Variants in RAB38 observed in about 807,000 individuals in gnomAD.
RAB38 encodes ras-related protein Rab-38.
Under a neutral mutation model 18.4 loss-of-function variants are expected in RAB38, and 15 were observed. The observed-to-expected ratio is 0.82, with a 90% confidence interval of 0.55 to 1.26. The LOEUF (loss-of-function observed/expected upper bound fraction) is 1.26, where lower values mean the gene tolerates loss of function less well. Ranked by LOEUF, RAB38 falls within the 50% of genes most tolerant of loss-of-function variation. RAB38 has a pLI of 0.00. For synonymous variants in RAB38, 101 were observed against 104.4 expected (o/e 0.97, Z 0.20); for missense variants, 294 against 267.4 (o/e 1.10, Z -0.69).
At chr11:88,106,923 C>T in the RAB38 span, among the ~76,000 whole-genome samples, 2 of 152,094 alleles carry the variant, frequency 1.3e-5, no homozygotes, top group African/African-American at 4.8e-5. Flanking sequence ...CTAGTTGGAA[C>T]ATCTGAGAGC....
At chr11:87,971,316 C>T in the RAB38 span, among the ~76,000 whole-genome samples, 1 of 152,006 alleles carries the variant, frequency 6.6e-6, no homozygotes, top group Non-Finnish European at 1.5e-5. Flanking sequence ...TGTAATGAGG[C>T]AGGAAGAACA....
At chr11:88,125,473 G>C (rs988586472) in intron 2 of RAB38, among the ~76,000 whole-genome samples, 1 of 152,146 alleles carries the variant, frequency 6.6e-6, no homozygotes, top group African/African-American at 2.4e-5. Flanking sequence ...ATGAAGTTCA[G>C]TATATCCTCT....
chr11:88,010,719 A>G, the RAB38 span, among the ~76,000 whole-genome samples: 28,083 of 152,160 alleles, frequency 0.18, 2,695 homozygotes, highest in Middle Eastern at 0.3. Context: ...ATAATCCTGC[A>G]AATACTGTTA....
chr11:88,168,105 C>T (rs1943266173), intron 1 of RAB38, among the ~76,000 whole-genome samples: 1 of 152,138 alleles, frequency 6.6e-6, no homozygotes, highest in African/African-American at 2.4e-5. Flanking sequence ...TAACACCAAA[C>T]CACTTTTACT....
intron 2 of RAB38, among the ~76,000 whole-genome samples, chr11:88,147,826 G>A (rs1943010404): frequency 6.6e-6 from 1 of 152,072 alleles, no homozygotes; most frequent in East Asian, 1.9e-4. Context: ...CCGGGGGGTG[G>A]AGCTTGCAGT....
chr11:88,097,325 C>T, the RAB38 span, among the ~76,000 whole-genome samples: 27 of 151,858 alleles, frequency 1.8e-4, no homozygotes, highest in Admixed American at 5.9e-4. Context: ...GAGCTAAGTA[C>T]AGAGGAAACA....
chr11:88,143,501 A>G lies in RAB38; in HGVS notation c.483+6174T>C, dbSNP rs551166187. On this transcript the variant is annotated intron_variant, in intron 2 of 2. Transcript: ENST00000243662. ...CTTTATTTACAATACAGGGCAGGCC[A>G]TATTTGGCCCACAGATCATAGTTTG... 7.2e-5 allele frequency among the ~76,000 whole-genome samples: 11 copies of G among 152,374 alleles called. No homozygotes were observed. In the South Asian group the frequency reaches 2.3e-3, roughly 32 times the overall value.
downstream of RAB38, chr11:88,113,226 A>G: frequency 6.6e-6 from 1 of 152,320 alleles, no homozygotes; most frequent in East Asian, 1.9e-4. Context: ...TCACAACACT[A>G]AGAAACTTAA....
the RAB38 span, among the ~76,000 whole-genome samples, chr11:87,937,478 T>C: frequency 6.6e-6 from 1 of 151,532 alleles, no homozygotes; most frequent in African/African-American, 2.4e-5. Flanking sequence ...CTGAGAAGTA[T>C]TTCATCCTCT....
chr11:87,952,775 C>A, the RAB38 span, among the ~76,000 whole-genome samples: 1 of 152,106 alleles, frequency 6.6e-6, no homozygotes, highest in Non-Finnish European at 1.5e-5. Flanking sequence ...ACTTCCAGGA[C>A]TTTTTGTCTT....
chr11:88,038,491 G>A, the RAB38 span, among the ~76,000 whole-genome samples: 7 of 152,096 alleles, frequency 4.6e-5, no homozygotes, highest in African/African-American at 9.7e-5. Context: ...TTAGATGCAT[G>A]TCTTCACTTC....
At chr11:87,900,128 ACT>A in the RAB38 span, among the ~76,000 whole-genome samples, 2 of 151,608 alleles carry the variant, frequency 1.3e-5, no homozygotes, top group African/African-American at 4.8e-5. Context: ...ACTATAAGAA[ACT>A]CTTTAAAAAA....
At chr11:88,145,783 C>T (rs1942977898) in intron 2 of RAB38, among the ~76,000 whole-genome samples, 1 of 152,000 alleles carries the variant, frequency 6.6e-6, no homozygotes, top group Non-Finnish European at 1.5e-5. Flanking sequence ...TACAGGGTGA[C>T]CATGTAAATT....
the RAB38 span, among the ~76,000 whole-genome samples, chr11:87,956,717 G>A: frequency 6.6e-6 from 1 of 152,066 alleles, no homozygotes; most frequent in Non-Finnish European, 1.5e-5. Flanking sequence ...TCTGTATAAA[G>A]CATAGTTATA....
At chr11:87,825,948 CA>C in the RAB38 span, among the ~76,000 whole-genome samples, 5 of 151,354 alleles carry the variant, frequency 3.3e-5, no homozygotes, top group Non-Finnish European at 5.9e-5. Flanking sequence ...TACATTGTTA[CA>C]ATAATAAAAA....
At chr11:88,171,519 T>C (rs952362798) in intron 1 of RAB38, among the ~76,000 whole-genome samples, 5 of 152,268 alleles carry the variant, frequency 3.3e-5, no homozygotes, top group Admixed American at 2.0e-4. Context: ...TTAAACTATG[T>C]CTGAAGTGCT....
At chr11:87,958,764 T>C in the RAB38 span, among the ~76,000 whole-genome samples, 6 of 152,298 alleles carry the variant, frequency 3.9e-5, no homozygotes, top group South Asian at 1.2e-3. Context: ...GAACAGGGCA[T>C]ACGTTTGCCT....
At chr11:87,946,411 T>G in the RAB38 span, among the ~76,000 whole-genome samples, 1 of 152,146 alleles carries the variant, frequency 6.6e-6, no homozygotes, top group South Asian at 2.1e-4. Flanking sequence ...AAATTATACT[T>G]TAAGTTTTAG....
At chr11:87,882,665 G>A in the RAB38 span, among the ~76,000 whole-genome samples, 1 of 151,754 alleles carries the variant, frequency 6.6e-6, no homozygotes, top group Non-Finnish European at 1.5e-5. Flanking sequence ...TTAGAATAGG[G>A]TGTGATAATG....
Sources: allele counts gnomAD v4.1 joint callset (sites outside exome capture counted in the v4.1 genomes callset), GRCh38; gene constraint gnomAD v4.1.1; transcripts MANE v1.5; gene names NCBI Gene and HGNC (gene_info 2026-07-23, HGNC 2026-07-21).